The following FHL2 variants were observed in gnomAD, a reference collection of about 807,000 sequenced individuals.
FHL2 encodes the protein four and a half LIM domains protein 2.
Under a neutral mutation model 32.7 loss-of-function variants are expected in FHL2, and 20 were observed. The ratio of observed to expected loss-of-function variants is 0.61; its 90% CI spans 0.43 to 0.89. FHL2 has a LOEUF of 0.89. Among genes scored for constraint, FHL2 ranks in the 40% least tolerant of loss-of-function variants. The pLI, the probability that FHL2 is intolerant of heterozygous loss-of-function variation, is 0.00. For missense variants in FHL2, 311 were observed against 358.6 expected, an observed-to-expected ratio of 0.87 and a Z score of 1.07; for synonymous variants, 123 against 128.1, an observed-to-expected ratio of 0.96 and a Z score of 0.27.
chr2:105,432,486 C>A (rs979378802), intron 1 of FHL2, among the ~76,000 whole-genome samples: 3 of 152,204 alleles, frequency 2.0e-5, no homozygotes, highest in African/African-American at 7.2e-5. Context: ...CTCTCACCTG[C>A]TTTTTCGGTT....
At chr2:105,421,351 C>T (rs1202394207) in intron 1 of FHL2, among the ~76,000 whole-genome samples, 1 of 152,260 alleles carries the variant, frequency 6.6e-6, no homozygotes, top group Middle Eastern at 3.4e-3. Context: ...AACCCAAAAG[C>T]CTGGTCACTG....
chr2:105,404,003 G>A (rs112149718), upstream of FHL2, among the ~76,000 whole-genome samples: 664 of 152,312 alleles, frequency 4.4e-3, 3 homozygotes, highest in African/African-American at 0.015. Context: ...TGGTGGGGTC[G>A]TGGGGGGGAG....
chr2:105,425,443 G>A (rs184722352), intron 1 of FHL2, among the ~76,000 whole-genome samples: 141 of 152,254 alleles, frequency 9.3e-4, no homozygotes, highest in African/African-American at 3.3e-3. Flanking sequence ...TGTGGGATGA[G>A]AAAGACCTGA....
intron 3 of FHL2, chr2:105,378,877 A>C (rs1269577694): frequency 6.6e-6 from 1 of 152,172 alleles, no homozygotes; most frequent in African/African-American, 2.4e-5. Context: ...CCTCAGTGGG[A>C]ACAGAACTGG....
chr2:105,409,959 C>T (rs961107121), intron 1 of FHL2, among the ~76,000 whole-genome samples: 1 of 152,252 alleles, frequency 6.6e-6, no homozygotes, highest in African/African-American at 2.4e-5. Context: ...AGGGACACTG[C>T]CAAGGATCAG....
chr2:105,367,771 G>A (rs1366353279), intron 4 of FHL2, 32 bp from the exon 5 acceptor site: 1 of 1,602,090 alleles, frequency 6.2e-7, no homozygotes, highest in African/African-American at 1.3e-5. Flanking sequence ...ACACAGCAGA[G>A]TTATGGTTAG....
At chr2:105,397,874 TTTTTTTG>T (rs1489065003) in intron 1 of FHL2, among the ~76,000 whole-genome samples, 7 of 50,642 alleles carry the variant, frequency 1.4e-4, no homozygotes, top group Non-Finnish European at 2.3e-4. Flanking sequence ...ATGGTTTTTG[TTTTTTTG>T]TTTTTTGTTT....
At chr2:105,382,275 T>C (rs562242556) in intron 3 of FHL2, among the ~76,000 whole-genome samples, 1 of 152,360 alleles carries the variant, frequency 6.6e-6, no homozygotes, top group South Asian at 2.1e-4. Flanking sequence ...GGCCTCTGAC[T>C]GAAGGTCACT....
At chr2:105,435,480 A>G (rs1345505182) in intron 1 of FHL2, among the ~76,000 whole-genome samples, 1 of 152,202 alleles carries the variant, frequency 6.6e-6, no homozygotes, top group East Asian at 1.9e-4. Context: ...AAAAAGCACT[A>G]TGATGGCTTC....
At chr2:105,408,518 G>A (rs539667941) in intron 1 of FHL2, among the ~76,000 whole-genome samples, 4 of 152,296 alleles carry the variant, frequency 2.6e-5, no homozygotes, top group East Asian at 1.9e-4. Context: ...CGAGAAGTAC[G>A]GCTTCACCCA....
intron 1 of FHL2, among the ~76,000 whole-genome samples, chr2:105,437,799 A>C (rs1161195719): frequency 6.6e-6 from 1 of 152,180 alleles, no homozygotes; most frequent in African/African-American, 2.4e-5. Context: ...CCTGCTCTGG[A>C]AATTGTAAAA....
chr2:105,395,465 A>G (rs1206780434), intron 2 of FHL2, among the ~76,000 whole-genome samples: 1 of 152,104 alleles, frequency 6.6e-6, no homozygotes, highest in Non-Finnish European at 1.5e-5. Flanking sequence ...TGAGGTGCCT[A>G]TGACCCCCAC....
upstream of FHL2, among the ~76,000 whole-genome samples, chr2:105,400,529 A>G (rs1683424927): frequency 6.6e-6 from 1 of 152,160 alleles, no homozygotes. Context: ...CCTGACAGCT[A>G]CCTAGATGTG....
upstream of FHL2, among the ~76,000 whole-genome samples, chr2:105,403,677 A>G (rs537643917): frequency 1.7e-4 from 26 of 152,352 alleles, no homozygotes; most frequent in South Asian, 5.4e-3. Context: ...AGTAAAATAA[A>G]TACCACTTAG....
At chr2:105,389,190 A>G (rs528319779) in intron 2 of FHL2, among the ~76,000 whole-genome samples, 1 of 152,324 alleles carries the variant, frequency 6.6e-6, no homozygotes, top group African/African-American at 2.4e-5. Flanking sequence ...TAAAGAAAAC[A>G]TTGTCTGGAC....
intron 1 of FHL2, among the ~76,000 whole-genome samples, chr2:105,428,351 C>A (rs1214525868): frequency 6.6e-6 from 1 of 152,240 alleles, no homozygotes; most frequent in East Asian, 1.9e-4. Flanking sequence ...CTTCCCCAAA[C>A]TACAGCTCAT....
At chr2:105,399,316 C>A (rs569694193), upstream of FHL2, 111 of 1,535,840 alleles carry the variant, frequency 7.2e-5, 1 homozygote, top group South Asian at 1.2e-3. Context: ...CTCTCGGGCG[C>A]GAGTTTCGGA....
chr2:105,415,444 C>T (rs7587098), intron 1 of FHL2, among the ~76,000 whole-genome samples: 6,067 of 152,272 alleles, frequency 0.04, 395 homozygotes, highest in African/African-American at 0.14. Flanking sequence ...GAATTTTGCA[C>T]CGTGTGCATT....
chr2:105,411,867 T>A (rs1280458713), intron 1 of FHL2, among the ~76,000 whole-genome samples: 1 of 151,666 alleles, frequency 6.6e-6, no homozygotes, highest in Non-Finnish European at 1.5e-5. Flanking sequence ...GTAATTGGAT[T>A]GAGTAGAGAG....
Sources: gnomAD v4.1 joint callset for allele counts (sites outside exome capture counted in the v4.1 genomes callset) on GRCh38, gnomAD v4.1.1 for gene constraint, MANE v1.5 for transcripts, NCBI Gene and HGNC (gene_info 2026-07-23, HGNC 2026-07-21) for gene names.